SMC5: variants seen among roughly 807,000 people sequenced by gnomAD.
The protein encoded by SMC5 is structural maintenance of chromosomes 5.
Under a neutral mutation model 148.3 loss-of-function variants are expected in SMC5, and 88 were observed. The ratio of observed to expected loss-of-function variants is 0.59; its 90% confidence interval spans 0.50 to 0.71. The LOEUF (loss-of-function observed/expected upper bound fraction) is 0.71. SMC5 is among the 30% of genes least tolerant of loss of function. The pLI is 0.00. For missense variants in SMC5, 1,142 were observed against 1,298.9 expected, an observed-to-expected ratio of 0.88 and a Z score of 1.86; for synonymous variants, 421 against 432.8, an observed-to-expected ratio of 0.97 and a Z score of 0.34.
chr9:70,273,993 A>C (rs950695580), intron 3 of SMC5, among the ~76,000 whole-genome samples: 2 of 152,218 alleles, frequency 1.3e-5, no homozygotes, highest in Non-Finnish European at 2.9e-5. Flanking sequence ...TTACTGACAA[A>C]GGTGTATTAC....
At chr9:70,291,126 T>C (rs1251766963) in intron 8 of SMC5, among the ~76,000 whole-genome samples, 1 of 143,670 alleles carries the variant, frequency 7.0e-6, no homozygotes, top group Non-Finnish European at 1.5e-5. Flanking sequence ...TTAGTGACTT[T>C]CCTAGTTCTG....
chr9:70,294,398 G>A (rs961063600), intron 8 of SMC5, among the ~76,000 whole-genome samples: 2 of 152,184 alleles, frequency 1.3e-5, no homozygotes, highest in African/African-American at 2.4e-5. Context: ...TAGATAGTTA[G>A]AAGGTATATC....
At chr9:70,307,248 C>G (rs1038295536) in intron 11 of SMC5, among the ~76,000 whole-genome samples, 3 of 152,060 alleles carry the variant, frequency 2.0e-5, no homozygotes, top group African/African-American at 7.2e-5. Flanking sequence ...CAAAAATTAA[C>G]CGGGTGGGGT....
chr9:70,281,060 C>T (rs1273168886), intron 6 of SMC5, among the ~76,000 whole-genome samples, 161 bp downstream of exon 6: 2 of 149,580 alleles, frequency 1.3e-5, no homozygotes, highest in Admixed American at 1.3e-4. Context: ...TTTTTTGAGA[C>T]GGAGTCTTGC....
chr9:70,297,884 T>C, intron 8 of SMC5, 82 bp from the exon 9 acceptor site: 1 of 1,459,166 alleles, frequency 6.9e-7, no homozygotes, highest in Non-Finnish European at 9.2e-7. Flanking sequence ...ATTGTTTGCA[T>C]GTTAAAAACT....
At chr9:70,304,024 C>G (rs990983329) in intron 10 of SMC5, among the ~76,000 whole-genome samples, 3 of 152,048 alleles carry the variant, frequency 2.0e-5, no homozygotes, top group Admixed American at 2.0e-4. Context: ...TAGCTTTTTC[C>G]CTAGCTTGTC....
Position 70,265,167 on chromosome 9 carries a change from A to G in SMC5, c.327+722A>G, listed in dbSNP as rs2034256471. ...AGGAGATAAGAAACAGATACAAAAA[A>G]TGAGATCATTAAAAATGACAAAATA... On this transcript the variant is annotated intron_variant, in intron 2 of 24. Transcript: ENST00000361138. 2.0e-5 allele frequency among the ~76,000 whole-genome samples: 3 copies of G among 152,192 alleles called. No individual in the cohort carries two copies. In the South Asian group the frequency reaches 6.2e-4, roughly 32 times the overall value.
At chr9:70,286,160 T>C (rs745899296) in intron 7 of SMC5, 40 bp from the exon 8 acceptor site, 13 of 1,367,152 alleles carry the variant, frequency 9.5e-6, no homozygotes, top group Non-Finnish European at 1.4e-5. Flanking sequence ...CATGAGTTTT[T>C]AACTAGCTGT....
At chr9:70,335,812 A>T (rs2036340694) in intron 17 of SMC5, among the ~76,000 whole-genome samples, 1 of 152,228 alleles carries the variant, frequency 6.6e-6, no homozygotes, top group South Asian at 2.1e-4. Context: ...CCCAAAAGTT[A>T]GGGAAGAAAA....
chr9:70,350,599 A>G (rs1251333162), intron 24 of SMC5, 128 bp downstream of exon 24: 3 of 562,718 alleles, frequency 5.3e-6, no homozygotes, highest in Non-Finnish European at 9.1e-6. Flanking sequence ...AAAGGTTAAC[A>G]GTAATATTTA....
chr9:70,291,929 T>C (rs1020208433), intron 8 of SMC5, among the ~76,000 whole-genome samples: 3 of 152,110 alleles, frequency 2.0e-5, no homozygotes, highest in Non-Finnish European at 4.4e-5. Flanking sequence ...TTCACTATGA[T>C]TGTGGGCTGT....
At chr9:70,273,541 A>G (rs1448891586) in intron 3 of SMC5, among the ~76,000 whole-genome samples, 1 of 151,952 alleles carries the variant, frequency 6.6e-6, no homozygotes, top group African/African-American at 2.4e-5. Context: ...ATTTTTTGAA[A>G]TGGATATTTA....
rs769303330 is a variant in SMC5 at position 70,278,671 on chromosome 9, T to G, written c.678+46T>G. On this transcript the variant is annotated intron_variant, in intron 5 of 24. Transcript: ENST00000361138. ...ATTTGTATTGTTTCTTATTGATTTC[T>G]GTATCTCAGAACATGGGAGAGAGAG... 4.5e-6 allele frequency: 7 copies of G among 1,552,404 alleles called. No homozygotes were observed. In the African/African-American group the frequency reaches 8.3e-5, roughly 19 times the overall value.
At chr9:70,344,424 A>AT in intron 18 of SMC5, 155 bp downstream of exon 18, 1 of 307,240 alleles carries the variant, frequency 3.3e-6, no homozygotes, top group Non-Finnish European at 5.8e-6. Flanking sequence ...ATATATATAT[A>AT]AAATAATGTT....
chr9:70,351,753 G>A (rs1238936589), intron 24 of SMC5, among the ~76,000 whole-genome samples: 1 of 152,104 alleles, frequency 6.6e-6, no homozygotes, highest in Non-Finnish European at 1.5e-5. Flanking sequence ...GTCTGGCAAG[G>A]TTTATATTGA....
At chr9:70,311,160 A>T (rs188260851) in intron 11 of SMC5, 1 of 152,160 alleles carries the variant, frequency 6.6e-6, no homozygotes, top group Non-Finnish European at 1.5e-5. Context: ...AACTTTTGTC[A>T]TGCCTTCCTC....
chr9:70,275,282 C>A (rs1351875022), intron 3 of SMC5, among the ~76,000 whole-genome samples: 1 of 152,096 alleles, frequency 6.6e-6, no homozygotes. Flanking sequence ...ATGATCATGA[C>A]TCACTGCATC....
intron 3 of SMC5, among the ~76,000 whole-genome samples, chr9:70,270,202 T>C (rs1200308201): frequency 2.0e-5 from 3 of 152,178 alleles, no homozygotes; most frequent in African/African-American, 7.2e-5. Flanking sequence ...GGTCCAGTTA[T>C]TTGCTAGGAT....
In SMC5 at chr9:70,350,015, G is replaced by C. The variant is rs369904179; in HGVS notation, c.2890-99G>C. The C allele has an allele frequency of 9.8e-6, 7 of 717,504 alleles. No homozygotes were observed. In the East Asian group the frequency reaches 2.1e-4, roughly 21 times the overall value. The allele number at this position is 717,504 out of a possible 1,614,324, so 44.4% of individuals were successfully genotyped here. A position where few individuals can be genotyped will look rare whatever the true frequency, so the allele number is the denominator to read the frequency against. On this transcript the variant is annotated intron_variant, in intron 22 of 24. Transcript: ENST00000361138. ...TTAAACTAGTGTCACTAAATTTTGA[G>C]TTCTTTACTCTTACTCAGTTAATTC...
Sources: allele counts gnomAD v4.1 joint callset (sites outside exome capture counted in the v4.1 genomes callset), GRCh38; gene constraint gnomAD v4.1.1; transcripts MANE v1.5; gene names NCBI Gene and HGNC (gene_info 2026-07-23, HGNC 2026-07-21).